The following NRG1 variants were observed in gnomAD, a reference collection of about 807,000 sequenced individuals.
The protein encoded by NRG1 is pro-neuregulin-1, membrane-bound isoform.
In NRG1, 18 loss-of-function variants were observed where a neutral mutation model predicts 63.8. The observed-to-expected ratio is 0.28, with a 90% CI of 0.19 to 0.42. NRG1 has a LOEUF of 0.42. NRG1 is among the 10% of genes least tolerant of loss of function. The pLI, the probability that NRG1 is intolerant of heterozygous loss-of-function variation, is 1.00. For synonymous variants in NRG1, 302 were observed against 301.3 expected, an observed-to-expected ratio of 1.00 and a Z score of -0.02; for missense variants, 762 against 814.7, an observed-to-expected ratio of 0.94 and a Z score of 0.79.
chr8:32,725,098 C>T (rs934537648), intron 5 of NRG1, among the ~76,000 whole-genome samples: 1 of 151,756 alleles, frequency 6.6e-6, no homozygotes, highest in Non-Finnish European at 1.5e-5. Flanking sequence ...TATGTCACTG[C>T]TTTTTTTTAT....
At chr8:32,408,861 C>T (rs62500164) in intron 1 of NRG1, among the ~76,000 whole-genome samples, 4,212 of 152,086 alleles carry the variant, frequency 0.028, 86 homozygotes, top group Non-Finnish European at 0.045. Context: ...GTACCTATTA[C>T]GTAACTTGTC....
At chr8:32,287,184 T>C (rs930920089) in intron 1 of NRG1, 2 of 152,228 alleles carry the variant, frequency 1.3e-5, no homozygotes, top group African/African-American at 4.8e-5. Flanking sequence ...GAGGTTTGTT[T>C]ACGTGGTAAA....
chr8:31,807,287 C>T (rs1159909299), intron 1 of NRG1, among the ~76,000 whole-genome samples: 5 of 152,198 alleles, frequency 3.3e-5, no homozygotes, highest in African/African-American at 4.8e-5. Flanking sequence ...TGAATGTGAC[C>T]CTTATATGAA....
At chr8:31,707,097 A>G (rs1413776623) in intron 1 of NRG1, among the ~76,000 whole-genome samples, 1 of 152,024 alleles carries the variant, frequency 6.6e-6, no homozygotes, top group Non-Finnish European at 1.5e-5. Context: ...TTTTAGTCAT[A>G]ATTAGAAAAG....
chr8:32,546,331 T>A, upstream of NRG1, among the ~76,000 whole-genome samples: 1 of 152,126 alleles, frequency 6.6e-6, no homozygotes, highest in Non-Finnish European at 1.5e-5. Flanking sequence ...GGGGAAAATC[T>A]TATTTTTTAA....
chr8:32,026,113 G>C (rs1817289656), intron 1 of NRG1: 1 of 150,106 alleles, frequency 6.7e-6, no homozygotes, highest in African/African-American at 2.5e-5. Flanking sequence ...CTGTCGCCCA[G>C]GCTGGAGTGC....
At chr8:32,136,967 A>G (rs1310303987) in intron 1 of NRG1, among the ~76,000 whole-genome samples, 1 of 152,184 alleles carries the variant, frequency 6.6e-6, no homozygotes, top group Non-Finnish European at 1.5e-5. Flanking sequence ...AATACATTAT[A>G]TACTTTCAGG....
intron 1 of NRG1, among the ~76,000 whole-genome samples, chr8:31,862,502 G>T (rs1828557026): frequency 6.6e-6 from 1 of 152,182 alleles, no homozygotes; most frequent in Non-Finnish European, 1.5e-5. Context: ...TAAACTATTT[G>T]CTCTGGGACA....
intron 11 of NRG1, 54 bp from the exon 12 acceptor site, chr8:32,763,694 G>C (rs1831112353): frequency 3.4e-6 from 5 of 1,488,920 alleles, no homozygotes; most frequent in Non-Finnish European, 4.5e-6. Context: ...TACCTTCCCT[G>C]CTATGTGCCT....
At chr8:32,336,411 G>T (rs1803274698) in intron 1 of NRG1, among the ~76,000 whole-genome samples, 1 of 152,096 alleles carries the variant, frequency 6.6e-6, no homozygotes, top group South Asian at 2.1e-4. Flanking sequence ...ACCCTCATGG[G>T]TAGACCTGAG....
intron 1 of NRG1, among the ~76,000 whole-genome samples, chr8:32,169,121 G>A (rs1839719960): frequency 6.6e-6 from 1 of 152,152 alleles, no homozygotes; most frequent in African/African-American, 2.4e-5. Flanking sequence ...CAAATTCGAT[G>A]TAGAGTTGAT....
chr8:31,926,111 C>A (rs1262299727), intron 1 of NRG1, among the ~76,000 whole-genome samples: 4 of 152,128 alleles, frequency 2.6e-5, no homozygotes, highest in Non-Finnish European at 5.9e-5. Flanking sequence ...TACAGATAGA[C>A]CAGCTTGATG....
intron 1 of NRG1, among the ~76,000 whole-genome samples, chr8:31,825,387 CAA>C (rs879571900): frequency 5.4e-5 from 6 of 111,130 alleles, no homozygotes; most frequent in African/African-American, 6.8e-5. Context: ...GACTCCATCT[CAA>C]AAAAAAAAAA....
Position 31,673,261 on chromosome 8 carries a change from G to A in NRG1, c.37+33830G>A, listed in dbSNP as rs551444613. On this transcript the variant is annotated intron_variant, in intron 1 of 10. Coordinates refer to the NRG1 transcript ENST00000519301. ...ATAAATAATCACCTAGAGCCATTCT[G>A]ATGACCTCATTTAGAGAAACACTGA... Among the ~76,000 whole-genome samples the A allele has an allele frequency of 3.3e-5, 5 of 152,224 alleles. No individual in the cohort carries two copies. The East Asian group carries it at 9.7e-4, about 29-fold the overall frequency.
At chr8:32,577,205 C>A (rs1455264020) in intron 1 of NRG1, among the ~76,000 whole-genome samples, 1 of 152,160 alleles carries the variant, frequency 6.6e-6, no homozygotes, top group East Asian at 1.9e-4. Flanking sequence ...ACTACATTTC[C>A]TCAATGCAGT....
At chr8:32,091,544 A>T (rs1427792496) in intron 1 of NRG1, among the ~76,000 whole-genome samples, 1 of 152,220 alleles carries the variant, frequency 6.6e-6, no homozygotes, top group African/African-American at 2.4e-5. Context: ...TGGTAGCCAC[A>T]CATGCCCACA....
intron 1 of NRG1, among the ~76,000 whole-genome samples, chr8:31,836,548 G>A (rs1434838321): frequency 6.6e-6 from 1 of 151,976 alleles, no homozygotes; most frequent in Non-Finnish European, 1.5e-5. Context: ...ACAACTGGTA[G>A]GATATGTACA....
intron 1 of NRG1, among the ~76,000 whole-genome samples, chr8:32,328,705 G>T (rs1017802748): frequency 6.6e-6 from 1 of 152,122 alleles, no homozygotes; most frequent in Non-Finnish European, 1.5e-5. Context: ...TGTTCTTAGA[G>T]AGTGGGTTCC....
At chr8:32,429,373 TCA>T (rs1817841391) in intron 1 of NRG1, among the ~76,000 whole-genome samples, 1 of 152,168 alleles carries the variant, frequency 6.6e-6, no homozygotes, top group Admixed American at 6.5e-5. Flanking sequence ...TCAAACATAA[TCA>T]CAGTCTCCTT....
Sources: allele counts gnomAD v4.1 joint callset (sites outside exome capture counted in the v4.1 genomes callset), GRCh38; gene constraint gnomAD v4.1.1; transcripts MANE v1.5; gene names NCBI Gene and HGNC (gene_info 2026-07-23, HGNC 2026-07-21).